The following ELMO1 variants were observed in gnomAD, a reference collection of about 807,000 sequenced individuals.
ELMO1 encodes the protein engulfment and cell motility protein 1.
A neutral mutation model predicts 98.9 loss-of-function variants in ELMO1; 26 were observed. That is an observed-to-expected ratio of 0.26 (90% CI 0.19 to 0.36). The LOEUF (loss-of-function observed/expected upper bound fraction) is 0.36. Ranked by LOEUF, ELMO1 falls within the 10% of genes least tolerant of loss-of-function variation. The pLI is 1.00. For missense variants in ELMO1, 627 were observed against 935.2 expected (o/e 0.67, Z 4.30); for synonymous variants, 346 against 346.0 (o/e 1.00, Z 0.00).
chr7:37,437,287 C>G (rs186369927), intron 1 of ELMO1, among the ~76,000 whole-genome samples: 1 of 152,034 alleles, frequency 6.6e-6, no homozygotes, highest in African/African-American at 2.4e-5. Context: ...TCCATTCTCT[C>G]CCCTCAAAGT....
intron 13 of ELMO1, among the ~76,000 whole-genome samples, chr7:37,196,756 TTG>T (rs1393099631): frequency 6.6e-6 from 1 of 152,224 alleles, no homozygotes; most frequent in East Asian, 1.9e-4. Flanking sequence ...ACTGCAGCTA[TTG>T]TGGGCAGGTT....
chr7:37,319,303 C>T (rs780903090), intron 2 of ELMO1, among the ~76,000 whole-genome samples: 2 of 152,168 alleles, frequency 1.3e-5, no homozygotes, highest in African/African-American at 2.4e-5. Context: ...ATTATGGCAC[C>T]ACTACTGCCC....
chr7:37,436,903 C>A, intron 1 of ELMO1, among the ~76,000 whole-genome samples: 1 of 152,198 alleles, frequency 6.6e-6, no homozygotes, highest in East Asian at 1.9e-4. Flanking sequence ...TTTTATTTTT[C>A]TATTTTTATT....
chr7:37,045,096 G>A (rs1256451250), intron 15 of ELMO1, among the ~76,000 whole-genome samples: 2 of 152,228 alleles, frequency 1.3e-5, no homozygotes, highest in Middle Eastern at 3.4e-3. Context: ...ACACACAGAC[G>A]CATACTACCA....
chr7:36,955,828 C>T (rs1270022726), intron 16 of ELMO1, among the ~76,000 whole-genome samples: 1 of 152,182 alleles, frequency 6.6e-6, no homozygotes, highest in Non-Finnish European at 1.5e-5. Flanking sequence ...GTGGTAAATT[C>T]TTGATATCTT....
chr7:37,322,108 T>G (rs1666508598), intron 2 of ELMO1, among the ~76,000 whole-genome samples: 1 of 150,988 alleles, frequency 6.6e-6, no homozygotes. Context: ...TCCGCCCGCC[T>G]TGGCCTTCCA....
chr7:37,115,871 T>C (rs1278748911), intron 14 of ELMO1, among the ~76,000 whole-genome samples: 1 of 152,146 alleles, frequency 6.6e-6, no homozygotes, highest in East Asian at 1.9e-4. Context: ...ATCTTGGAAC[T>C]AATAAACAAT....
At chr7:36,928,145 A>T (rs1340497146) in intron 16 of ELMO1, among the ~76,000 whole-genome samples, 1 of 152,076 alleles carries the variant, frequency 6.6e-6, no homozygotes, top group Non-Finnish European at 1.5e-5. Flanking sequence ...AAGAAGATAA[A>T]CTCCTTTGAT....
Position 37,305,445 on chromosome 7 carries a change from A to AGTGTGTGTGTGT in ELMO1, c.192+9393_192+9404dup, listed in dbSNP as rs147003634. On this transcript the variant is annotated intron_variant, in intron 4 of 21. Transcript: ENST00000310758. ...GGTCAATATCCAGCACAGTACAGAT[A>AGTGTGTGTGTGT]GTGTGTGTGTGTGTGTGTGTGTGTA... 3.9e-4 allele frequency among the ~76,000 whole-genome samples: 48 copies of AGTGTGTGTGTGT among 122,912 alleles called. 2 individuals are homozygous for AGTGTGTGTGTGT. The highest frequency in any genetic ancestry group is 1.3e-3 in the Admixed American group (16 of 12,748). 80.6% of individuals were successfully genotyped at this position (122,912 alleles called of 152,430 possible).
At chr7:37,419,576 A>G (rs1804381606) in intron 1 of ELMO1, 1 of 152,084 alleles carries the variant, frequency 6.6e-6, no homozygotes, top group Admixed American at 6.6e-5. Flanking sequence ...AACTATCACT[A>G]TTTAAATAAT....
At chr7:37,332,359 T>C (rs1362459267) in intron 2 of ELMO1, among the ~76,000 whole-genome samples, 1 of 152,240 alleles carries the variant, frequency 6.6e-6, no homozygotes, top group Non-Finnish European at 1.5e-5. Context: ...ACACTCCTTA[T>C]GAGTTTACCA....
At chr7:37,110,426 C>G (rs561689791) in intron 14 of ELMO1, among the ~76,000 whole-genome samples, 2 of 152,174 alleles carry the variant, frequency 1.3e-5, no homozygotes, top group Non-Finnish European at 1.5e-5. Context: ...TACACAGCAA[C>G]TTTTACGCTG....
At chr7:37,080,249 G>A (rs1393913865) in intron 15 of ELMO1, among the ~76,000 whole-genome samples, 1 of 152,100 alleles carries the variant, frequency 6.6e-6, no homozygotes. Flanking sequence ...TTGTAGTGGG[G>A]TATATTAACT....
intron 2 of ELMO1, among the ~76,000 whole-genome samples, chr7:37,324,101 T>G (rs191730109): frequency 7.0e-4 from 107 of 152,180 alleles, no homozygotes; most frequent in African/African-American, 2.4e-3. Context: ...TCAGCCCTCA[T>G]CAGAGCCCCT....
intron 14 of ELMO1, among the ~76,000 whole-genome samples, chr7:37,131,808 A>T (rs561785056): frequency 6.6e-6 from 1 of 152,342 alleles, no homozygotes; most frequent in African/African-American, 2.4e-5. Context: ...CTATATATTC[A>T]GATTACAAAT....
intron 6 of ELMO1, among the ~76,000 whole-genome samples, chr7:37,246,562 A>C (rs976320735): frequency 5.9e-5 from 9 of 152,240 alleles, no homozygotes; most frequent in Non-Finnish European, 7.3e-5. Flanking sequence ...CCAAAGACAT[A>C]CAATATGGGT....
intron 1 of ELMO1, among the ~76,000 whole-genome samples, chr7:37,412,960 C>T (rs960674891): frequency 2.6e-5 from 4 of 152,180 alleles, no homozygotes; most frequent in Admixed American, 2.6e-4. Flanking sequence ...CTGACCACCA[C>T]TTCACAAAGG....
intron 12 of ELMO1, 68 bp from the exon 13 acceptor site, chr7:37,211,585 A>G: frequency 1.3e-6 from 2 of 1,566,398 alleles, no homozygotes; most frequent in Admixed American, 3.6e-5. Flanking sequence ...GACATTACAT[A>G]TACTCCCTCT....
chr7:36,972,030 G>T (rs751434290), intron 16 of ELMO1, among the ~76,000 whole-genome samples: 3 of 152,172 alleles, frequency 2.0e-5, no homozygotes, highest in Non-Finnish European at 2.9e-5. Context: ...TCAGGCAGTG[G>T]TTGCTTTCTG....
Sources: gnomAD v4.1 joint callset for allele counts (sites outside exome capture counted in the v4.1 genomes callset) on GRCh38, gnomAD v4.1.1 for gene constraint, MANE v1.5 for transcripts, NCBI Gene and HGNC (gene_info 2026-07-23, HGNC 2026-07-21) for gene names.